CELA2A: variants seen among roughly 807,000 people sequenced by gnomAD.
The protein encoded by CELA2A is chymotrypsin-like elastase family member 2A.
In CELA2A, 31 loss-of-function variants were observed where a neutral mutation model predicts 35.3. That is an observed-to-expected ratio of 0.88 (90% CI 0.66 to 1.19). The LOEUF is 1.19. Ranked by LOEUF, CELA2A falls within the 50% of genes most tolerant of loss-of-function variation. The probability of loss-of-function intolerance (pLI) is 0.00; values close to 1 mark genes in which losing one functional copy is unlikely to be tolerated. For missense variants in CELA2A, 330 were observed against 352.9 expected (o/e 0.94, Z 0.52); for synonymous variants, 150 against 149.8 (o/e 1.00, Z -0.01).
intron 4 of CELA2A, 87 bp downstream of exon 4, chr1:15,462,948 C>CA (rs1036568860): frequency 3.8e-6 from 6 of 1,564,332 alleles, no homozygotes; most frequent in African/African-American, 2.7e-5. Context: ...AACCACACCA[C>CA]ACCCCCTCTG....
At chr1:15,468,421 A>C (rs1708550522) in intron 7 of CELA2A, among the ~76,000 whole-genome samples, 1 of 152,202 alleles carries the variant, frequency 6.6e-6, no homozygotes. Context: ...TAAACAACTC[A>C]GAGAGGTGTC....
At chr1:15,469,275 A>G (rs1254393158) in intron 7 of CELA2A, among the ~76,000 whole-genome samples, 1 of 152,084 alleles carries the variant, frequency 6.6e-6, no homozygotes, top group Non-Finnish European at 1.5e-5. Flanking sequence ...AGAGTCGGAC[A>G]CTCTGTGCCA....
intron 3 of CELA2A, 89 bp from the exon 4 acceptor site, chr1:15,462,644 G>A (rs915097874): frequency 3.1e-5 from 48 of 1,526,062 alleles, no homozygotes; most frequent in East Asian, 4.5e-5. Flanking sequence ...AGTGGCTCAC[G>A]CAGCAGCCAG....
intron 3 of CELA2A, 151 bp downstream of exon 3, chr1:15,461,809 TCA>T: frequency 1.1e-6 from 1 of 888,358 alleles, no homozygotes; most frequent in Non-Finnish European, 1.8e-6. Context: ...AATCAATGGT[TCA>T]GTGTGTTGGC....
chr1:15,471,748 G>T (rs1708596998), intron 7 of CELA2A, among the ~76,000 whole-genome samples: 1 of 152,088 alleles, frequency 6.6e-6, no homozygotes, highest in South Asian at 2.1e-4. Flanking sequence ...CCCCTACCCT[G>T]AAGCCCACAC....
Position 15,472,077 on chromosome 1 carries a change from C to T in CELA2A, c.*70C>T, listed in dbSNP as rs756149058. The T allele has an allele frequency of 1.0e-5, 16 of 1,587,908 alleles. No individual in the cohort carries two copies. Among genetic ancestry groups the T allele is most frequent in the Non-Finnish European group, 1.4e-5 (16 of 1,156,464 alleles). ...GAAGGAAAATAATATAATAAAGTGACAACTATGCAAATCACATCTTGATGA... is the reference window on the plus strand; with the variant it reads ...GAAGGAAAATAATATAATAAAGTGATAACTATGCAAATCACATCTTGATGA... On this transcript the variant is annotated 3_prime_UTR_variant, in exon 8 of 8. Transcript: ENST00000359621.
intron 6 of CELA2A, among the ~76,000 whole-genome samples, chr1:15,466,762 C>G (rs560710472): frequency 6.6e-6 from 1 of 152,214 alleles, no homozygotes; most frequent in East Asian, 1.9e-4. Context: ...TAGGGCCTTT[C>G]TACGATGACT....
At chr1:15,463,662 G>C (rs1485157256) in intron 5 of CELA2A, 140 bp downstream of exon 5, 2 of 1,342,854 alleles carry the variant, frequency 1.5e-6, no homozygotes, top group Admixed American at 4.7e-5. Flanking sequence ...GCTGACGCCT[G>C]CCTGGGATCA....
intron 2 of CELA2A, among the ~76,000 whole-genome samples, chr1:15,458,526 A>C (rs1708391192): frequency 6.6e-6 from 1 of 152,238 alleles, no homozygotes; most frequent in South Asian, 2.1e-4. Flanking sequence ...AGCAACTAGC[A>C]GCCCACTAGC....
intron 7 of CELA2A, among the ~76,000 whole-genome samples, chr1:15,471,236 A>G (rs1276206283): frequency 6.6e-6 from 1 of 152,148 alleles, no homozygotes; most frequent in Non-Finnish European, 1.5e-5. Flanking sequence ...GCACTGGATC[A>G]TGAAGTTGGC....
intron 2 of CELA2A, among the ~76,000 whole-genome samples, chr1:15,459,809 A>G (rs1293376578): frequency 6.6e-6 from 1 of 152,024 alleles, no homozygotes; most frequent in Non-Finnish European, 1.5e-5. Context: ...GCAAAATGTA[A>G]GGGGGTAGCA....
chr1:15,462,953 C>A, intron 4 of CELA2A, 92 bp downstream of exon 4: 2 of 1,540,716 alleles, frequency 1.3e-6, no homozygotes, highest in Non-Finnish European at 1.8e-6. Context: ...CACCACACCC[C>A]CTCTGCTTCT....
At chr1:15,464,372 C>T (rs980516027) in intron 5 of CELA2A, among the ~76,000 whole-genome samples, 1 of 152,140 alleles carries the variant, frequency 6.6e-6, no homozygotes, top group Non-Finnish European at 1.5e-5. Flanking sequence ...TTGACATAGA[C>T]TCCAAGGGTC....
intron 1 of CELA2A, 95 bp downstream of exon 1, chr1:15,456,888 CT>C: frequency 6.7e-7 from 1 of 1,493,884 alleles, no homozygotes; most frequent in South Asian, 1.2e-5. Flanking sequence ...CACCCAACCC[CT>C]ACTGCATTCA....
intron 7 of CELA2A, among the ~76,000 whole-genome samples, chr1:15,468,173 T>A (rs1265747182): frequency 6.7e-6 from 1 of 149,922 alleles, no homozygotes; most frequent in Non-Finnish European, 1.5e-5. Context: ...AGGCCCAGAC[T>A]CCACCATCCA....
chr1:15,469,661 G>A (rs528200221), intron 7 of CELA2A, among the ~76,000 whole-genome samples: 1 of 152,148 alleles, frequency 6.6e-6, no homozygotes, highest in African/African-American at 2.4e-5. Context: ...TTCCAAAGAC[G>A]TTTGTTGGAC....
At chr1:15,457,429 T>C (rs766028658) in intron 2 of CELA2A, 66 of 423,708 alleles carry the variant, frequency 1.6e-4, no homozygotes, top group Non-Finnish European at 2.6e-4. Context: ...CTGGCCAACA[T>C]GGTGAAACCT....
chr1:15,463,466 G>T lies in CELA2A; in HGVS notation c.437G>T (p.Gly146Val), dbSNP rs1458194893. The T allele has an allele frequency of 6.2e-7, 1 of 1,613,894 alleles. No homozygotes were observed. The highest frequency in any genetic ancestry group is 8.5e-7 in the Non-Finnish European group (1 of 1,179,956). ...CAGCTGGCCTGCCTCCCTCCTGCCG[G>T]CACCATTCTACCCAACAACTACCCC... ...KIQLACLPPA[G>V]TILPNNYPCY... The change falls in exon 5 of 8, where the codon GGC (glycine) becomes GTC (valine). Residue 146 changes from glycine (G) to valine (V), a missense_variant. By Grantham distance (109) the Gly-to-Val change is moderately radical. Coordinates refer to ENST00000359621, the MANE Select transcript of CELA2A (RefSeq NM_033440.3).
rs35179054 is a variant in CELA2A, at chr1:15,460,651, CTT to C, written c.130-896_130-895del. ...TGTCAAATGTCACCACCTTAAAGTT[CTT>C]TTTTTTTTTTTTTAAAGACCTGGTC... On this transcript the variant is annotated intron_variant, in intron 2 of 7. Transcript: ENST00000359621. Among the ~76,000 whole-genome samples, 586 of 144,716 alleles carry C rather than the reference CTT, an allele frequency of 4.0e-3. 1 individual carries two copies. The highest frequency in any genetic ancestry group is 7.4e-3 in the Middle Eastern group (2 of 272). The allele number at this position is 144,716 out of a possible 152,430, so 94.9% of individuals were successfully genotyped here.
Sources: gnomAD v4.1 joint callset for allele counts (sites outside exome capture counted in the v4.1 genomes callset) on GRCh38, gnomAD v4.1.1 for gene constraint, MANE v1.5 for transcripts, NCBI Gene and HGNC (gene_info 2026-07-23, HGNC 2026-07-21) for gene names.